Variants in DSCAM observed in about 807,000 individuals in gnomAD.
The protein encoded by DSCAM is DS cell adhesion molecule.
DSCAM carries 47 observed loss-of-function variants against 217.7 expected under a neutral mutation model. The ratio of observed to expected loss-of-function variants is 0.22; its 90% confidence interval spans 0.17 to 0.28. DSCAM has a LOEUF of 0.28. DSCAM is among the 10% of genes least tolerant of loss of function. DSCAM has a pLI of 1.00. For missense variants in DSCAM, 2,080 were observed against 2,618.3 expected, an observed-to-expected ratio of 0.79 and a Z score of 4.49; for synonymous variants, 1,056 against 1,015.3, an observed-to-expected ratio of 1.04 and a Z score of -0.76.
chr21:40,655,414 A>T (rs116476422), intron 3 of DSCAM, among the ~76,000 whole-genome samples: 1,575 of 151,132 alleles, frequency 0.01, 31 homozygotes, highest in African/African-American at 0.036. Flanking sequence ...GAAGGGCAAA[A>T]GGTGCTATTG....
intron 1 of DSCAM, among the ~76,000 whole-genome samples, chr21:40,728,419 CT>C (rs55816910): frequency 2.4e-3 from 355 of 145,252 alleles, no homozygotes; most frequent in East Asian, 0.018. Context: ...ATAAATGATT[CT>C]TTTTTTTTTT....
At chr21:40,424,425 C>T (rs561426306) in intron 3 of DSCAM, among the ~76,000 whole-genome samples, 7 of 152,268 alleles carry the variant, frequency 4.6e-5, no homozygotes, top group Admixed American at 1.3e-4. Flanking sequence ...AGAAGCCAGC[C>T]GTGTGACTGG....
At chr21:40,505,976 C>T (rs536884591) in intron 3 of DSCAM, among the ~76,000 whole-genome samples, 1 of 152,250 alleles carries the variant, frequency 6.6e-6, no homozygotes, top group African/African-American at 2.4e-5. Context: ...CAAAATGATG[C>T]AAAGAACCAC....
At chr21:40,484,865 A>G (rs2076011965) in intron 3 of DSCAM, among the ~76,000 whole-genome samples, 1 of 152,160 alleles carries the variant, frequency 6.6e-6, no homozygotes, top group Admixed American at 6.5e-5. Context: ...TGTCATCTAT[A>G]AGTTCTTGTC....
At chr21:40,539,179 A>G (rs970547704) in intron 3 of DSCAM, among the ~76,000 whole-genome samples, 7 of 152,156 alleles carry the variant, frequency 4.6e-5, no homozygotes, top group African/African-American at 1.7e-4. Flanking sequence ...CACCGGGTCC[A>G]CCAGAGCATC....
intron 1 of DSCAM, among the ~76,000 whole-genome samples, chr21:40,815,047 AAG>A (rs1331467609): frequency 6.6e-6 from 1 of 152,220 alleles, no homozygotes; most frequent in Non-Finnish European, 1.5e-5. Context: ...CTTCAGAAAG[AAG>A]ATGCTGAAAT....
intron 3 of DSCAM, among the ~76,000 whole-genome samples, chr21:40,481,828 C>A (rs1396337086): frequency 6.6e-6 from 1 of 152,172 alleles, no homozygotes; most frequent in Non-Finnish European, 1.5e-5. Context: ...CATAACAACC[C>A]GGAGTGGCAG....
At chr21:40,263,277 G>A (rs1166370335) in intron 11 of DSCAM, among the ~76,000 whole-genome samples, 1 of 152,058 alleles carries the variant, frequency 6.6e-6, no homozygotes, top group Non-Finnish European at 1.5e-5. Flanking sequence ...GGTTATTTTT[G>A]AAATAGACAA....
chr21:40,833,003 C>T (rs1435965039), intron 1 of DSCAM, among the ~76,000 whole-genome samples: 1 of 152,156 alleles, frequency 6.6e-6, no homozygotes, highest in African/African-American at 2.4e-5. Context: ...GAAAACAAAA[C>T]CAGATGATGT....
chr21:40,648,052 T>A (rs1466224654), intron 3 of DSCAM, among the ~76,000 whole-genome samples: 2 of 151,852 alleles, frequency 1.3e-5, no homozygotes, highest in East Asian at 3.9e-4. Flanking sequence ...AGAAAACAAA[T>A]AAATAGAGAA....
rs374386720 is a variant in DSCAM, at chr21:40,286,589, T to C, written c.2182+9466A>G. Among the ~76,000 whole-genome samples the C allele has an allele frequency of 1.7e-4, 26 of 152,364 alleles. No homozygotes were observed. In the South Asian group the frequency reaches 1.9e-3, roughly 11 times the overall value. The stretch of plus-strand genomic sequence containing the variant: ...CCAGAGGAAAAACAAAAGAGAATTT[T>C]ATTTAAGCAAATTTCTGTCTCTTGA... On this transcript the variant is annotated intron_variant, in intron 10 of 32. Transcript: ENST00000400454.
chr21:40,728,953 T>C (rs956249778), intron 1 of DSCAM, among the ~76,000 whole-genome samples: 1 of 151,942 alleles, frequency 6.6e-6, no homozygotes, highest in Non-Finnish European at 1.5e-5. Context: ...TCAGTGGTAA[T>C]GCATCTACAC....
intron 3 of DSCAM, among the ~76,000 whole-genome samples, chr21:40,454,522 GA>G (rs2075747718): frequency 6.6e-6 from 1 of 152,208 alleles, no homozygotes; most frequent in Non-Finnish European, 1.5e-5. Flanking sequence ...ATATAGAACA[GA>G]AAGGAATCCT....
At chr21:40,018,567 A>C (rs990568908) in intron 32 of DSCAM, among the ~76,000 whole-genome samples, 4 of 152,202 alleles carry the variant, frequency 2.6e-5, no homozygotes, top group Non-Finnish European at 5.9e-5. Flanking sequence ...TCCCCATTGA[A>C]TGCACAGGGC....
chr21:40,336,297 A>T (rs2123579903), intron 8 of DSCAM, among the ~76,000 whole-genome samples: 1 of 152,290 alleles, frequency 6.6e-6, no homozygotes, highest in East Asian at 1.9e-4. Flanking sequence ...CTTACAGATA[A>T]ATGAGCCCAT....
intron 1 of DSCAM, among the ~76,000 whole-genome samples, chr21:40,805,669 T>C (rs2091779703): frequency 6.6e-6 from 1 of 151,724 alleles, no homozygotes; most frequent in South Asian, 2.1e-4. Context: ...GCCCATACCA[T>C]AGTAAATGGT....
intron 1 of DSCAM, among the ~76,000 whole-genome samples, chr21:40,797,931 T>A (rs760537463): frequency 6.6e-6 from 1 of 152,042 alleles, no homozygotes; most frequent in Admixed American, 6.6e-5. Context: ...AAGAATTTTA[T>A]CTTGTCATCT....
intron 21 of DSCAM, 101 bp downstream of exon 21, chr21:40,093,616 GTTTA>G: frequency 7.4e-7 from 1 of 1,359,002 alleles, no homozygotes; most frequent in Non-Finnish European, 1.0e-6. Flanking sequence ...TGATATTCTG[GTTTA>G]TTTGATTTTT....
At position 40,296,910 on chromosome 21, in the gene DSCAM, A is replaced by G. The variant is rs867209132; in HGVS notation, c.2063-736T>C. 7.9e-5 allele frequency among the ~76,000 whole-genome samples: 12 copies of G among 151,898 alleles called. 1 individual carries two copies. The highest frequency in any genetic ancestry group is 2.1e-4 in the South Asian group (1 of 4,816). Reference sequence around the variant, plus strand: ...TAGTAATTATCAAATATAAGTATTCATCTTGGATGTGAACTGGTCAAAGTA... The same window carrying G: ...TAGTAATTATCAAATATAAGTATTCGTCTTGGATGTGAACTGGTCAAAGTA... On this transcript the variant is annotated intron_variant, in intron 9 of 32. Transcript: ENST00000400454.
Sources: gnomAD v4.1 joint callset for allele counts (sites outside exome capture counted in the v4.1 genomes callset) on GRCh38, gnomAD v4.1.1 for gene constraint, MANE v1.5 for transcripts, NCBI Gene and HGNC (gene_info 2026-07-23, HGNC 2026-07-21) for gene names.